Variants in MBD5 observed in about 807,000 individuals in gnomAD.
MBD5 encodes the protein methyl-CpG binding domain protein 5.
A neutral mutation model predicts 117.3 loss-of-function variants in MBD5; 13 were observed. That is an observed-to-expected ratio of 0.11 (90% CI 0.07 to 0.18). The LOEUF (loss-of-function observed/expected upper bound fraction) is 0.18, where lower values mean the gene tolerates loss of function less well. Ranked by LOEUF, MBD5 falls within the 10% of genes least tolerant of loss-of-function variation. MBD5 has a pLI of 1.00. For synonymous variants in MBD5, 727 were observed against 766.4 expected, an observed-to-expected ratio of 0.95 and a Z score of 0.85; for missense variants, 1,879 against 2,093.8, an observed-to-expected ratio of 0.90 and a Z score of 2.00.
intron 7 of MBD5, among the ~76,000 whole-genome samples, chr2:148,467,126 C>G (rs963913961): frequency 6.6e-6 from 1 of 152,090 alleles, no homozygotes; most frequent in Non-Finnish European, 1.5e-5. Context: ...TCTCATGGAG[C>G]CCAGCTAGAG....
chr2:148,212,423 C>T (rs550354242), intron 2 of MBD5, among the ~76,000 whole-genome samples: 12 of 152,188 alleles, frequency 7.9e-5, no homozygotes, highest in African/African-American at 2.9e-4. Context: ...CTTTTTATAG[C>T]CAAATAATGT....
At chr2:148,358,806 A>G (rs1404103428) in intron 4 of MBD5, among the ~76,000 whole-genome samples, 2 of 152,050 alleles carry the variant, frequency 1.3e-5, no homozygotes, top group African/African-American at 2.4e-5. Context: ...AAATTAAAAG[A>G]CAAAATATAA....
chr2:148,425,054 T>G (rs1329935018), intron 4 of MBD5, among the ~76,000 whole-genome samples: 1 of 152,022 alleles, frequency 6.6e-6, no homozygotes, highest in African/African-American at 2.4e-5. Context: ...CTGAAAGACA[T>G]AGAGACGCGA....
At chr2:148,476,772 A>C (rs1680978779) in intron 8 of MBD5, among the ~76,000 whole-genome samples, 2 of 152,194 alleles carry the variant, frequency 1.3e-5, no homozygotes, top group Non-Finnish European at 2.9e-5. Flanking sequence ...ATAAAACGGT[A>C]TAGTAGAAGA....
chr2:148,249,394 A>T (rs1241399746), intron 3 of MBD5, among the ~76,000 whole-genome samples: 1 of 152,184 alleles, frequency 6.6e-6, no homozygotes. Flanking sequence ...TGAGTTCTTC[A>T]GTTATTGTTT....
chr2:148,380,010 C>A (rs1704090207), intron 4 of MBD5, among the ~76,000 whole-genome samples: 1 of 152,134 alleles, frequency 6.6e-6, no homozygotes, highest in African/African-American at 2.4e-5. Context: ...CTGAGGTACT[C>A]TGCAACATAA....
intron 1 of MBD5, among the ~76,000 whole-genome samples, chr2:148,079,719 T>G (rs1253472792): frequency 6.6e-6 from 1 of 151,920 alleles, no homozygotes; most frequent in Non-Finnish European, 1.5e-5. Context: ...TAGCCAGGCA[T>G]GGTGGTGCAC....
At chr2:148,051,242 A>G (rs961784037) in intron 1 of MBD5, among the ~76,000 whole-genome samples, 2 of 152,144 alleles carry the variant, frequency 1.3e-5, no homozygotes, top group African/African-American at 4.8e-5. Flanking sequence ...GTTTTTAGAA[A>G]TACAACTGCT....
chr2:148,382,547 G>A (rs971774537), intron 4 of MBD5, among the ~76,000 whole-genome samples: 17 of 152,194 alleles, frequency 1.1e-4, no homozygotes, highest in African/African-American at 3.9e-4. Flanking sequence ...ACAGATCAAC[G>A]AGACAGAAAA....
At chr2:148,152,104 T>G (rs2105660136) in intron 1 of MBD5, among the ~76,000 whole-genome samples, 1 of 152,224 alleles carries the variant, frequency 6.6e-6, no homozygotes, top group South Asian at 2.1e-4. Flanking sequence ...CTCTACACAC[T>G]GCTTTGAATG....
chr2:148,143,858 G>C (rs960510397), intron 1 of MBD5, among the ~76,000 whole-genome samples: 26 of 152,012 alleles, frequency 1.7e-4, no homozygotes, highest in Non-Finnish European at 3.7e-4. Flanking sequence ...ATCATTGATG[G>C]ACATTTGGGT....
intron 1 of MBD5, among the ~76,000 whole-genome samples, chr2:148,175,896 A>G (rs1000899050): frequency 6.6e-6 from 1 of 152,206 alleles, no homozygotes; most frequent in Non-Finnish European, 1.5e-5. Context: ...GTTAGCTATT[A>G]TTTACTATAT....
At position 148,234,905 on chromosome 2, in the gene MBD5, A is replaced by C. The variant is rs1006468508; in HGVS notation, c.-680+1510A>C. Among the ~76,000 whole-genome samples, 3 of 152,132 alleles carry C rather than the reference A, an allele frequency of 2.0e-5. No individual in the cohort carries two copies. The South Asian group carries it at 6.2e-4, about 31-fold the overall frequency. On this transcript the variant is annotated intron_variant, in intron 3 of 13. Transcript: ENST00000642680. ...CTTAACTATTTTTAAAAACTACTAA[A>C]AATTGATCATTGTTTAATTAGTAGA...
intron 1 of MBD5, among the ~76,000 whole-genome samples, chr2:148,126,835 G>A (rs978388793): frequency 9.9e-5 from 15 of 152,070 alleles, no homozygotes; most frequent in African/African-American, 3.6e-4. Context: ...CACTTTTATT[G>A]AGAGAGAGAA....
chr2:148,235,778 T>C (rs958136216), intron 3 of MBD5, among the ~76,000 whole-genome samples: 1 of 147,066 alleles, frequency 6.8e-6, no homozygotes, highest in Non-Finnish European at 1.5e-5. Context: ...AATTTTAAAA[T>C]AGTTTTCTAA....
At chr2:148,036,900 A>C (rs369036835) in intron 1 of MBD5, among the ~76,000 whole-genome samples, 10 of 152,062 alleles carry the variant, frequency 6.6e-5, no homozygotes, top group African/African-American at 2.4e-4. Flanking sequence ...GTAACTCATA[A>C]GTTTAAGAAA....
intron 2 of MBD5, among the ~76,000 whole-genome samples, chr2:148,205,928 C>G (rs1180194611): frequency 6.6e-6 from 1 of 151,878 alleles, no homozygotes; most frequent in East Asian, 1.9e-4. Context: ...ATCACTTGAG[C>G]CCGGGAGTTC....
In MBD5 at chr2:148,424,177, C is replaced by CAAAAA. The variant is rs56740583; in HGVS notation, c.-556-33991_-556-33987dup. On this transcript the variant is annotated intron_variant, in intron 4 of 13. Transcript: ENST00000642680. ...TGGGCAACAGAGCAAGACTCTGTCTCAAAAAAAAAAAAAAAAAAAAAAAAA... is the reference window on the plus strand; with the variant it reads ...TGGGCAACAGAGCAAGACTCTGTCTCAAAAAAAAAAAAAAAAAAAAAAAAAAAAAA... 2.5e-3 allele frequency among the ~76,000 whole-genome samples: 135 copies of CAAAAA among 53,412 alleles called. 28 individuals carry two copies. Among genetic ancestry groups the CAAAAA allele is most frequent in the Middle Eastern group, 0.01 (1 of 100 alleles). 35.0% of individuals were successfully genotyped at this position (53,412 alleles called of 152,430 possible).
intron 3 of MBD5, among the ~76,000 whole-genome samples, chr2:148,299,504 A>G (rs955005149): frequency 1.3e-5 from 2 of 152,096 alleles, no homozygotes; most frequent in Admixed American, 1.3e-4. Context: ...GCAACCCTCT[A>G]TTCTCTCCAA....
Sources: gnomAD v4.1 joint callset for allele counts (sites outside exome capture counted in the v4.1 genomes callset) on GRCh38, gnomAD v4.1.1 for gene constraint, MANE v1.5 for transcripts, NCBI Gene and HGNC (gene_info 2026-07-23, HGNC 2026-07-21) for gene names.